The following PPP2R3A variants were observed in gnomAD, a reference collection of about 807,000 sequenced individuals.
PPP2R3A encodes serine/threonine-protein phosphatase 2A regulatory subunit B'' subunit alpha.
PPP2R3A carries 80 observed loss-of-function variants against 106.9 expected under a neutral mutation model. The ratio of observed to expected loss-of-function variants is 0.75; its 90% CI spans 0.62 to 0.90. PPP2R3A has a LOEUF of 0.90. Ranked by LOEUF, PPP2R3A falls within the 40% of genes least tolerant of loss-of-function variation. PPP2R3A has a pLI of 0.00. For synonymous variants in PPP2R3A, 483 were observed against 468.3 expected (o/e 1.03, Z -0.41); for missense variants, 1,386 against 1,350.4 (o/e 1.03, Z -0.41).
At chr3:135,970,524 G>A (rs1937215458) in intron 1 of PPP2R3A, among the ~76,000 whole-genome samples, 1 of 152,148 alleles carries the variant, frequency 6.6e-6, no homozygotes, top group Non-Finnish European at 1.5e-5. Flanking sequence ...CAAATAGAGA[G>A]GTGTCATCAA....
At chr3:136,094,833 T>C (rs924370057) in intron 10 of PPP2R3A, among the ~76,000 whole-genome samples, 6 of 152,334 alleles carry the variant, frequency 3.9e-5, no homozygotes, top group Admixed American at 1.3e-4. Context: ...GCACCACATT[T>C]TCCAGAAAAC....
chr3:136,111,535 T>C (rs1334703939), intron 13 of PPP2R3A, among the ~76,000 whole-genome samples: 2 of 151,898 alleles, frequency 1.3e-5, no homozygotes, highest in Non-Finnish European at 2.9e-5. Flanking sequence ...ACATACAAAC[T>C]AGAAAACTTA....
rs1465639615 is a variant in PPP2R3A, at chr3:136,136,091, TATAA to T, written c.3330-8950_3330-8947del. 7.3e-4 allele frequency among the ~76,000 whole-genome samples: 86 copies of T among 117,638 alleles called. 1 individual carries two copies. The highest frequency in any genetic ancestry group is 7.0e-4 in the Non-Finnish European group (39 of 55,660). 77.2% of individuals were successfully genotyped at this position (117,638 alleles called of 152,430 possible). ...AAAAAAAATTATATATATATATATA[TATAA>T]AAAACATCATGGTTAAGAGCATGAA... On this transcript the variant is annotated intron_variant, in intron 13 of 13. Transcript: ENST00000264977.
At chr3:136,137,468 C>A (rs1186083370) in intron 13 of PPP2R3A, among the ~76,000 whole-genome samples, 1 of 126,712 alleles carries the variant, frequency 7.9e-6, no homozygotes, top group Admixed American at 8.5e-5. Context: ...GAACTGTTTT[C>A]TATTGAATGT....
chr3:136,141,829 G>C (rs1265591091), intron 13 of PPP2R3A, among the ~76,000 whole-genome samples: 4 of 152,220 alleles, frequency 2.6e-5, no homozygotes, highest in African/African-American at 9.6e-5. Flanking sequence ...TTAAGCCAGT[G>C]GTGGTAGGGA....
At chr3:136,066,444 T>C (rs1265840093) in intron 5 of PPP2R3A, among the ~76,000 whole-genome samples, 1 of 152,158 alleles carries the variant, frequency 6.6e-6, no homozygotes, top group African/African-American at 2.4e-5. Context: ...GGCAAGATTG[T>C]TTTAATATTA....
At chr3:136,066,016 T>A (rs1451206838) in intron 5 of PPP2R3A, among the ~76,000 whole-genome samples, 1 of 152,176 alleles carries the variant, frequency 6.6e-6, no homozygotes, top group East Asian at 1.9e-4. Context: ...TGCAGACACC[T>A]AGGAAAATAA....
chr3:136,103,787 G>A (rs1306615533), intron 12 of PPP2R3A, among the ~76,000 whole-genome samples: 2 of 152,050 alleles, frequency 1.3e-5, no homozygotes, highest in East Asian at 1.9e-4. Flanking sequence ...TCCCCATCAC[G>A]GTAAAAACTA....
At chr3:135,981,440 C>T (rs1456856043) in intron 1 of PPP2R3A, among the ~76,000 whole-genome samples, 1 of 151,786 alleles carries the variant, frequency 6.6e-6, no homozygotes. Flanking sequence ...GCCACTTTAT[C>T]CTAGATGGAG....
intron 1 of PPP2R3A, among the ~76,000 whole-genome samples, chr3:135,998,584 A>G (rs1282989806): frequency 6.6e-6 from 1 of 152,194 alleles, no homozygotes; most frequent in South Asian, 2.1e-4. Flanking sequence ...GAAAAAGTAT[A>G]TGTACACACA....
chr3:136,107,353 G>C (rs979450163), intron 13 of PPP2R3A, among the ~76,000 whole-genome samples: 24 of 150,588 alleles, frequency 1.6e-4, no homozygotes, highest in Admixed American at 6.6e-5. Context: ...AGCAACAAGT[G>C]TCATCATGTT....
chr3:135,989,358 A>G (rs1933061303), intron 1 of PPP2R3A, among the ~76,000 whole-genome samples: 2 of 152,274 alleles, frequency 1.3e-5, no homozygotes, highest in East Asian at 1.9e-4. Context: ...GTGGTTGTGA[A>G]TGATCATTAG....
intron 4 of PPP2R3A, among the ~76,000 whole-genome samples, chr3:136,041,250 G>GTTT (rs1246326384): frequency 0.023 from 1,281 of 56,490 alleles, 246 homozygotes; most frequent in Middle Eastern, 0.049. Flanking sequence ...TTTTTTTTTT[G>GTTT]TTTTTTTTTT....
At chr3:136,032,414 T>C (rs961070649) in intron 3 of PPP2R3A, among the ~76,000 whole-genome samples, 1 of 152,150 alleles carries the variant, frequency 6.6e-6, no homozygotes, top group Non-Finnish European at 1.5e-5. Flanking sequence ...ATTTTATCAG[T>C]TCCAGGAGTT....
intron 1 of PPP2R3A, among the ~76,000 whole-genome samples, chr3:135,998,650 A>G (rs1275581633): frequency 6.6e-5 from 10 of 152,316 alleles, no homozygotes; most frequent in Middle Eastern, 3.4e-3. Context: ...TAAGCAAATA[A>G]CTGGAGAGCT....
intron 4 of PPP2R3A, among the ~76,000 whole-genome samples, chr3:136,048,774 A>G (rs1935564785): frequency 6.6e-6 from 1 of 152,226 alleles, no homozygotes; most frequent in Non-Finnish European, 1.5e-5. Context: ...CAAGCAACAA[A>G]CAAGAGCCTA....
chr3:136,057,134 G>GTA (rs1333561681), intron 5 of PPP2R3A, among the ~76,000 whole-genome samples: 1 of 152,020 alleles, frequency 6.6e-6, no homozygotes, highest in Non-Finnish European at 1.5e-5. Context: ...AATAGCTGGA[G>GTA]GCATCATGCT....
chr3:136,104,093 C>G (rs1937451866), intron 12 of PPP2R3A, among the ~76,000 whole-genome samples: 1 of 152,100 alleles, frequency 6.6e-6, no homozygotes, highest in Non-Finnish European at 1.5e-5. Context: ...ATTCTTTTTT[C>G]TTCTGCATGT....
intron 13 of PPP2R3A, among the ~76,000 whole-genome samples, chr3:136,111,250 A>G (rs1031677980): frequency 1.3e-5 from 2 of 152,212 alleles, no homozygotes; most frequent in Non-Finnish European, 1.5e-5. Context: ...GTAATATCCT[A>G]TGGTTCTTAT....
Sources: gnomAD v4.1 joint callset for allele counts (sites outside exome capture counted in the v4.1 genomes callset) on GRCh38, gnomAD v4.1.1 for gene constraint, MANE v1.5 for transcripts, NCBI Gene and HGNC (gene_info 2026-07-23, HGNC 2026-07-21) for gene names.